The following KLHL28 variants were observed in gnomAD, a reference collection of about 807,000 sequenced individuals.
KLHL28 encodes kelch like family member 28.
A neutral mutation model predicts 48.3 loss-of-function variants in KLHL28; 22 were observed. The observed-to-expected ratio is 0.46, with a 90% CI of 0.33 to 0.65. The LOEUF (loss-of-function observed/expected upper bound fraction) is 0.65. Among genes scored for constraint, KLHL28 ranks in the 30% least tolerant of loss-of-function variants. The pLI, the probability that KLHL28 is intolerant of heterozygous loss-of-function variation, is 0.03. For synonymous variants in KLHL28, 243 were observed against 242.4 expected (o/e 1.00, Z -0.02); for missense variants, 527 against 704.3 (o/e 0.75, Z 2.85).
chr14:44,931,699 T>C (rs1594564766), intron 3 of KLHL28, among the ~76,000 whole-genome samples, 158 bp from the exon 4 acceptor site: 1 of 152,208 alleles, frequency 6.6e-6, no homozygotes, highest in Non-Finnish European at 1.5e-5. Flanking sequence ...CTGATAAGAT[T>C]GCAAAGATAA....
intron 3 of KLHL28, 106 bp downstream of exon 3, chr14:44,934,009 C>G (rs1883697476): frequency 1.2e-6 from 1 of 808,702 alleles, no homozygotes; most frequent in African/African-American, 1.7e-5. Flanking sequence ...TTCCCAAATG[C>G]CGGAAGTTCA....
At chr14:44,943,556 C>G (rs1225661638) in intron 2 of KLHL28, among the ~76,000 whole-genome samples, 2 of 152,022 alleles carry the variant, frequency 1.3e-5, no homozygotes, top group East Asian at 3.8e-4. Context: ...ACTTGGGAGG[C>G]TGAGGCAGGA....
rs1883343584 is a variant in KLHL28, at chr14:44,925,361, C to A, written c.*3667G>T. 1.3e-5 allele frequency: 2 copies of A among 152,072 alleles called. No individual in the cohort carries two copies. The highest frequency in any genetic ancestry group is 2.9e-5 in the Non-Finnish European group (2 of 67,948). 9.4% of individuals were successfully genotyped at this position (152,072 alleles called of 1,614,324 possible). ...CAGGAAATATATATATTTAAAATTT[C>A]TATAGTTTTCTTACTAGAAAATACA... On this transcript the variant is annotated 3_prime_UTR_variant, in exon 5 of 5. Coordinates refer to ENST00000396128, the MANE Select transcript of KLHL28 (RefSeq NM_017658.5).
Position 44,931,485 on chromosome 14 carries a change from T to A in KLHL28, c.1400A>T (p.Asp467Val), listed in dbSNP as rs1403256931. 6.2e-7 allele frequency: 1 copy of A among 1,614,084 alleles called. No individual in the cohort carries two copies. Among genetic ancestry groups the A allele is most frequent in the East Asian group, 2.2e-5 (1 of 44,874 alleles). ...ACCCACGCCAAAGTGAATCCTTTTA[T>A]CTGCCATGGATGCAACCATCTCCCA... is the stretch of plus-strand genomic sequence containing the variant. The part of the protein sequence containing the change: ...DSWEMVASMA[D>V]KRIHFGVGVM... Residue 467 changes from aspartate (D) to valine (V), a missense_variant, in exon 4 of 5, where the codon GAT (aspartate) becomes GTT (valine). By Grantham distance (152) the Asp-to-Val change is radical. Coordinates refer to ENST00000396128, the MANE Select transcript of KLHL28 (RefSeq NM_017658.5).
intron 2 of KLHL28, among the ~76,000 whole-genome samples, chr14:44,942,746 C>G (rs1884155853): frequency 6.6e-6 from 1 of 152,164 alleles, no homozygotes; most frequent in South Asian, 2.1e-4. Context: ...GCATTCAACA[C>G]TCAACTTGTA....
rs192573672 is a variant in KLHL28, at chr14:44,940,477, A to T, written c.899+4553T>A. 4.5e-3 allele frequency among the ~76,000 whole-genome samples: 680 copies of T among 152,312 alleles called. 6 individuals carry two copies. The highest frequency in any genetic ancestry group is 0.015 in the African/African-American group (636 of 41,578). On this transcript the variant is annotated intron_variant, in intron 2 of 4. Coordinates refer to ENST00000396128, the MANE Select transcript of KLHL28 (RefSeq NM_017658.5). ...ACTATTCAAAAAATGCTTTCAATGT[A>T]TTGCCATCCTTATGACTCCTTATGT... is the stretch of plus-strand genomic sequence containing the variant.
chr14:44,957,184 G>A (rs1382816759), intron 1 of KLHL28, among the ~76,000 whole-genome samples: 1 of 152,118 alleles, frequency 6.6e-6, no homozygotes, highest in Non-Finnish European at 1.5e-5. Flanking sequence ...AATAATAGGG[G>A]ATGAGGTTGT....
rs1002765781 is a variant in KLHL28 at position 44,954,018 on chromosome 14, A to G, written c.-1+7828T>C. Among the ~76,000 whole-genome samples, 8 of 152,352 alleles carry G rather than the reference A, an allele frequency of 5.3e-5. 2 individuals are homozygous for G. In the South Asian group the frequency reaches 1.7e-3, roughly 32 times the overall value. On this transcript the variant is annotated intron_variant, in intron 1 of 4. Coordinates refer to ENST00000396128, the MANE Select transcript of KLHL28 (RefSeq NM_017658.5). Reference sequence around the variant, plus strand: ...CCTATAGGAAAAATTGGTTAAAGAAATGAACAGATGTTTGTTAAAAACATA... The same window carrying G: ...CCTATAGGAAAAATTGGTTAAAGAAGTGAACAGATGTTTGTTAAAAACATA...
intron 1 of KLHL28, among the ~76,000 whole-genome samples, chr14:44,947,862 C>T (rs1300852198): frequency 1.3e-5 from 2 of 152,186 alleles, no homozygotes; most frequent in Non-Finnish European, 2.9e-5. Context: ...CACCTATCTA[C>T]TAGAAAAATT....
At chr14:44,941,402 T>C (rs8018380) in intron 2 of KLHL28, among the ~76,000 whole-genome samples, 32,513 of 151,580 alleles carry the variant, frequency 0.21, 7,598 homozygotes, top group African/African-American at 0.59. Context: ...AAGGCTGAGG[T>C]GGGCAGATCA....
At chr14:44,943,692 T>A (rs919575914) in intron 2 of KLHL28, among the ~76,000 whole-genome samples, 4 of 149,024 alleles carry the variant, frequency 2.7e-5, no homozygotes, top group Non-Finnish European at 3.0e-5. Context: ...ATAAAATAAA[T>A]AAATAAATAA....
chr14:44,931,363 C>G lies in KLHL28; in HGVS notation c.1522G>C (p.Val508Leu). Residue 508 changes from valine to leucine, a missense_variant, in exon 4 of 5, where the codon GTG (valine) becomes CTG (leucine). Physicochemically the swap from Val to Leu is conservative, Grantham distance 32 (BLOSUM62 1). Coordinates refer to ENST00000396128, the MANE Select transcript of KLHL28 (RefSeq NM_017658.5). ...RYDPHQNQWT[V>L]CRPMKEPRTG... ...CTAGGTTCTTTCATTGGTCTACACACAGTCCACTGATTTTGATGAGGATCG... is the reference window on the plus strand; with the variant it reads ...CTAGGTTCTTTCATTGGTCTACACAGAGTCCACTGATTTTGATGAGGATCG... 6.2e-7 allele frequency: 1 copy of G among 1,613,602 alleles called. No individual in the cohort carries two copies. Among genetic ancestry groups the G allele is most frequent in the Non-Finnish European group, 8.5e-7 (1 of 1,179,598 alleles).
At chr14:44,954,019 T>C (rs1478228402) in intron 1 of KLHL28, among the ~76,000 whole-genome samples, 1 of 152,134 alleles carries the variant, frequency 6.6e-6, no homozygotes, top group Non-Finnish European at 1.5e-5. Flanking sequence ...GTTAAAGAAA[T>C]GAACAGATGT....
Position 44,945,404 on chromosome 14 carries a change from C to T in KLHL28, c.525G>A (p.Glu175=), listed in dbSNP as rs773874639. 1.7e-5 allele frequency: 27 copies of T among 1,614,150 alleles called. No individual in the cohort carries two copies. The South Asian group carries it at 2.3e-4, about 14-fold the overall frequency. Residue 175 remains glutamate (E), a synonymous_variant, in exon 2 of 5, where the codon GAG becomes GAA. Coordinates refer to ENST00000396128, the MANE Select transcript of KLHL28 (RefSeq NM_017658.5). ...EAVCQTEEFF[E]LTHADLDEIV... ...TTTCATCCAAGTCAGCATGTGTAAG[C>T]TCAAAAAACTCTTCAGTCTGGCAAA...
At chr14:44,948,469 C>G (rs1884435178) in intron 1 of KLHL28, among the ~76,000 whole-genome samples, 1 of 152,054 alleles carries the variant, frequency 6.6e-6, no homozygotes, top group Non-Finnish European at 1.5e-5. Flanking sequence ...TAGGTACCAG[C>G]CTTTCTTAAT....
Position 44,940,597 on chromosome 14 carries a change from A to T in KLHL28, c.899+4433T>A, listed in dbSNP as rs1002894673. Among the ~76,000 whole-genome samples, 3 of 152,138 alleles carry T rather than the reference A, an allele frequency of 2.0e-5. No homozygotes were observed. In the East Asian group the frequency reaches 5.8e-4, roughly 29 times the overall value. Reference sequence around the variant, plus strand: ...CTTCTCTAGCAGGCCTCCTCTCTTAATTAAAGAAAAAAACTAAAGCCATTG... The same window carrying T: ...CTTCTCTAGCAGGCCTCCTCTCTTATTTAAAGAAAAAAACTAAAGCCATTG... On this transcript the variant is annotated intron_variant, in intron 2 of 4. Coordinates refer to ENST00000396128, the MANE Select transcript of KLHL28 (RefSeq NM_017658.5).
intron 2 of KLHL28, among the ~76,000 whole-genome samples, chr14:44,939,968 T>C (rs993748810): frequency 2.6e-5 from 4 of 152,230 alleles, no homozygotes; most frequent in Non-Finnish European, 5.9e-5. Context: ...TTTCTGCTGC[T>C]AATACAAAAT....
intron 1 of KLHL28, among the ~76,000 whole-genome samples, chr14:44,950,350 A>G (rs1043956866): frequency 1.3e-5 from 2 of 152,290 alleles, no homozygotes; most frequent in African/African-American, 4.8e-5. Flanking sequence ...GTATCACAGA[A>G]TTGTTGATTC....
At chr14:44,937,736 G>A (rs940353082) in intron 2 of KLHL28, among the ~76,000 whole-genome samples, 2 of 152,200 alleles carry the variant, frequency 1.3e-5, no homozygotes, top group Admixed American at 6.5e-5. Context: ...TGGAGGCTGG[G>A]AAGTCCAAGA....
Sources: allele counts gnomAD v4.1 joint callset (sites outside exome capture counted in the v4.1 genomes callset), GRCh38; gene constraint gnomAD v4.1.1; transcripts MANE v1.5; gene names NCBI Gene and HGNC (gene_info 2026-07-23, HGNC 2026-07-21).